The following NFRKB variants were observed in gnomAD, a reference collection of about 807,000 sequenced individuals.
NFRKB encodes nuclear factor related to kappa-B-binding protein.
A neutral mutation model predicts 135.7 loss-of-function variants in NFRKB; 62 were observed. The observed-to-expected ratio is 0.46, with a 90% CI of 0.37 to 0.56. The LOEUF (loss-of-function observed/expected upper bound fraction) is 0.56. Ranked by LOEUF, NFRKB falls within the 20% of genes least tolerant of loss-of-function variation. The pLI is 0.00. For missense variants in NFRKB, 1,545 were observed against 1,662.0 expected, an observed-to-expected ratio of 0.93 and a Z score of 1.22; for synonymous variants, 678 against 635.6, an observed-to-expected ratio of 1.07 and a Z score of -1.00.
In NFRKB at chr11:129,877,390, A is replaced by G. The variant is rs764112000; in HGVS notation, c.1512-5T>C. ...CGCACCACATAGTCAGTTCTTCTGG[A>G]ATATAAAGAATTCTGTATCAACCCT... On this transcript the variant is annotated splice_region_variant and splice_polypyrimidine_tract_variant and intron_variant, in intron 15 of 26. Coordinates refer to ENST00000682444, the MANE Select transcript of NFRKB (RefSeq NM_001143835.2). 6.2e-7 allele frequency: 1 copy of G among 1,614,074 alleles called. No homozygotes were observed. Among genetic ancestry groups the G allele is most frequent in the South Asian group, 1.1e-5 (1 of 91,084 alleles).
chr11:129,878,488 C>A lies in NFRKB; in HGVS notation c.1440G>T (p.Glu480Asp), dbSNP rs777849804. Residue 480 changes from glutamate (E) to aspartate (D), a missense_variant, in exon 14 of 27, where the codon GAG becomes GAT. Transcript: ENST00000682444. ...ELAALFQLWL[E>D]TKDQAFCKQE... ...CCTTACAGAAGGCCTGATCTTTGGT[C>A]TCTAGCCATAGCTGGAAGAGGGCAG... is the stretch of plus-strand genomic sequence containing the variant. 40 of 1,614,040 alleles carry A rather than the reference C, an allele frequency of 2.5e-5. No individual in the cohort carries two copies. Among genetic ancestry groups the A allele is most frequent in the Non-Finnish European group, 3.4e-5 (40 of 1,180,010 alleles).
At chr11:129,873,697 TC>T in intron 22 of NFRKB, 47 bp downstream of exon 22, 1 of 1,594,260 alleles carries the variant, frequency 6.3e-7, no homozygotes, top group African/African-American at 1.3e-5. Flanking sequence ...TCAGCCCACC[TC>T]TGGGTCTGCA....
chr11:129,889,061 A>T (rs1311057012), intron 3 of NFRKB, among the ~76,000 whole-genome samples: 1 of 151,580 alleles, frequency 6.6e-6, no homozygotes, highest in African/African-American at 2.4e-5. Flanking sequence ...TCCCAGACTC[A>T]AGCGATTCTC....
intron 9 of NFRKB, 97 bp downstream of exon 9, chr11:129,883,025 G>T: frequency 9.2e-7 from 1 of 1,083,980 alleles, no homozygotes. Flanking sequence ...ACCAGCATGA[G>T]AGAGGCCATG....
At chr11:129,879,650 C>G (rs931731814) in intron 13 of NFRKB, among the ~76,000 whole-genome samples, 1 of 152,200 alleles carries the variant, frequency 6.6e-6, no homozygotes, top group African/African-American at 2.4e-5. Flanking sequence ...CAGGCTTTCC[C>G]CATCTCTATA....
At chr11:129,885,864 A>G (rs1054750574) in intron 5 of NFRKB, among the ~76,000 whole-genome samples, 1 of 152,252 alleles carries the variant, frequency 6.6e-6, no homozygotes, top group Non-Finnish European at 1.5e-5. Context: ...AAGTATTTCT[A>G]CACCAAAGCT....
chr11:129,875,137 T>C (rs1421637312), intron 18 of NFRKB, among the ~76,000 whole-genome samples: 4 of 152,220 alleles, frequency 2.6e-5, no homozygotes, highest in African/African-American at 9.7e-5. Flanking sequence ...AAGGATACTG[T>C]GAAGTAAGTG....
chr11:129,888,838 TGA>T (rs1254462972), intron 3 of NFRKB, 43 bp from the exon 4 acceptor site: 2 of 1,539,516 alleles, frequency 1.3e-6, no homozygotes, highest in Admixed American at 3.6e-5. Context: ...AATAAATTTT[TGA>T]GTTTTTTGTA....
At chr11:129,868,712 C>T (rs559072462) in intron 24 of NFRKB, among the ~76,000 whole-genome samples, 8 of 152,292 alleles carry the variant, frequency 5.3e-5, no homozygotes, top group Admixed American at 2.6e-4. Context: ...TGGCCTAGAA[C>T]GACCATCAAG....
intron 4 of NFRKB, among the ~76,000 whole-genome samples, chr11:129,888,120 G>A (rs764426934): frequency 1.3e-5 from 2 of 152,164 alleles, no homozygotes; most frequent in Non-Finnish European, 2.9e-5. Flanking sequence ...TGGTAACAGG[G>A]CGGTGATGAT....
intron 3 of NFRKB, 85 bp downstream of exon 3, chr11:129,892,625 AGACTG>A: frequency 7.3e-7 from 1 of 1,378,010 alleles, no homozygotes; most frequent in Non-Finnish European, 1.0e-6. Context: ...GGAGCACAAA[AGACTG>A]GAAATGTAGA....
intron 10 of NFRKB, 106 bp from the exon 11 acceptor site, chr11:129,882,300 A>G: frequency 7.5e-7 from 1 of 1,332,804 alleles, no homozygotes; most frequent in Non-Finnish European, 1.0e-6. Flanking sequence ...TCAAGAAAGG[A>G]GCAAACAATA....
chr11:129,891,972 A>C (rs1427192993), intron 3 of NFRKB, among the ~76,000 whole-genome samples: 7 of 152,210 alleles, frequency 4.6e-5, no homozygotes, highest in African/African-American at 1.7e-4. Context: ...TACTCATAAC[A>C]ATCTTCTGGT....
rs1371784667 is a variant in NFRKB at position 129,872,874 on chromosome 11, C to T, written c.2763+10G>A. On this transcript the variant is annotated intron_variant, in intron 23 of 26. Transcript: ENST00000682444. ...AGGATTGAGATCCACGTGGAAAGAGCCCCACCTACCTGCTTGATGATGTTC... is the reference window on the plus strand; with the variant it reads ...AGGATTGAGATCCACGTGGAAAGAGTCCCACCTACCTGCTTGATGATGTTC... The T allele has an allele frequency of 1.9e-6, 3 of 1,582,524 alleles. No homozygotes were observed. The highest frequency in any genetic ancestry group is 2.6e-6 in the Non-Finnish European group (3 of 1,158,506).
intron 24 of NFRKB, 82 bp downstream of exon 24, chr11:129,869,412 G>A: frequency 2.1e-6 from 3 of 1,453,772 alleles, no homozygotes; most frequent in Middle Eastern, 5.0e-4. Context: ...TAGTTTTTAG[G>A]GAGTTTCTCG....
At position 129,869,652 on chromosome 11, in the gene NFRKB, G is replaced by A. The variant is rs940924443; in HGVS notation, c.3373C>T (p.His1125Tyr). ...CTGGGTAAGGACACCGCTGAAGTAT[G>A]GACAGTTCCAGACCCACTGGCCACC... ...ASVASGSGTV[H>Y]TSAVSLPSMN... Residue 1125 changes from histidine to tyrosine, a missense_variant, in exon 24 of 27, where the codon CAT becomes TAT. His to Tyr is a moderately conservative substitution (Grantham distance 83, BLOSUM62 2). Around this residue, in one of 3 missense-constraint regions of NFRKB, gnomAD observed 753 missense variants for 804.3 expected, o/e 0.94. Coordinates refer to ENST00000682444, the MANE Select transcript of NFRKB (RefSeq NM_001143835.2). 1.3e-5 allele frequency: 21 copies of A among 1,614,088 alleles called. No individual in the cohort carries two copies. The highest frequency in any genetic ancestry group is 1.3e-5 in the African/African-American group (1 of 74,924).
In NFRKB at chr11:129,869,630, G is replaced by A. The variant is rs201132600; in HGVS notation, c.3395C>T (p.Pro1132Leu). 2 of 1,614,176 alleles carry A rather than the reference G, an allele frequency of 1.2e-6. No individual in the cohort carries two copies. The highest frequency in any genetic ancestry group is 4.5e-5 in the East Asian group (2 of 44,888). The change falls in exon 24 of 27, where the codon CCC becomes CTC. Residue 1132 changes from proline (P) to leucine (L), a missense_variant. Coordinates refer to ENST00000682444, the MANE Select transcript of NFRKB (RefSeq NM_001143835.2). ...CTTGGACACAGCAGCATTCATACTG[G>A]GTAAGGACACCGCTGAAGTATGGAC... ...GTVHTSAVSLPSMNAAVSKTV... is the reference protein window; with the variant it reads ...GTVHTSAVSLLSMNAAVSKTV...
Position 129,870,092 on chromosome 11 carries a change from GCCATCATGT to G in NFRKB, c.2924_2932del (p.Asp975_Met977del), listed in dbSNP as rs1443847967. The G allele has an allele frequency of 6.2e-7, 1 of 1,614,272 alleles. No homozygotes were observed. The highest frequency in any genetic ancestry group is 1.7e-5 in the Admixed American group (1 of 60,028). On this transcript the variant is annotated inframe_deletion, in exon 24 of 27. Transcript: ENST00000682444. ...GGTAACCTGGGACTTGGCCAATGTGGCCATCATGTCCGGAGTGATTCGCAGAACCGTCTG... is the reference window on the plus strand; with the variant it reads ...GGTAACCTGGGACTTGGCCAATGTGGCCGGAGTGATTCGCAGAACCGTCTG...
intron 2 of NFRKB, chr11:129,893,225 GTAAT>G: frequency 5.2e-6 from 3 of 581,298 alleles, no homozygotes; most frequent in Non-Finnish European, 8.4e-6. Flanking sequence ...CTCCCACAAT[GTAAT>G]TTCTGTAACA....
Sources: gnomAD v4.1 joint callset for allele counts (sites outside exome capture counted in the v4.1 genomes callset) on GRCh38, gnomAD v4.1.1 for gene constraint, gnomAD v4.1.1 regional missense constraint, MANE v1.5 for transcripts, NCBI Gene and HGNC (gene_info 2026-07-23, HGNC 2026-07-21) for gene names.